PI16: variants seen among roughly 807,000 people sequenced by gnomAD.
PI16 encodes the protein PSP94-binding protein.
In PI16, 35 loss-of-function variants were observed where a neutral mutation model predicts 38.0. The ratio of observed to expected loss-of-function variants is 0.92; its 90% CI spans 0.70 to 1.22. The LOEUF is 1.22. Among genes scored for constraint, PI16 ranks in the 50% most tolerant of loss-of-function variants. PI16 has a pLI of 0.00. For missense variants in PI16, 572 were observed against 593.8 expected (o/e 0.96, Z 0.38); for synonymous variants, 275 against 252.9 (o/e 1.09, Z -0.83).
At chr6:36,960,324 GAT>G (rs1491553064) in intron 2 of PI16, among the ~76,000 whole-genome samples, 7 of 73,074 alleles carry the variant, frequency 9.6e-5, no homozygotes, top group African/African-American at 3.6e-4. Context: ...TTGCAGATAA[GAT>G]GTGTGTGTGT....
chr6:36,961,535 T>TTA lies in PI16; in HGVS notation c.479_480dup (p.Leu161TyrfsTer12). 6.2e-7 allele frequency: 1 copy of TTA among 1,614,136 alleles called. No individual in the cohort carries two copies. ...GGGTGTTGAGGAGACCAACATCGAA[T>TTA]TACTGGTGTGCAACTATGAGCCTCC... On this transcript the variant is annotated frameshift_variant, in exon 3 of 7. Coordinates refer to ENST00000373674, the MANE Select transcript of PI16 (RefSeq NM_153370.3). LOFTEE classifies it high-confidence loss of function.
upstream of PI16, chr6:36,954,627 C>T: frequency 7.1e-7 from 1 of 1,416,828 alleles, no homozygotes; most frequent in Non-Finnish European, 9.4e-7. Context: ...CTCCCTGAGA[C>T]ATTGTGTGAG....
upstream of PI16, chr6:36,954,529 AGCCCCC>A: frequency 1.8e-6 from 1 of 546,132 alleles, no homozygotes; most frequent in Non-Finnish European, 3.1e-6. Context: ...TTTTGGCCTG[AGCCCCC>A]GTTACCAAGA....
intron 3 of PI16, 148 bp from the exon 4 acceptor site, chr6:36,961,738 C>T: frequency 1.1e-6 from 1 of 889,262 alleles, no homozygotes; most frequent in Non-Finnish European, 1.8e-6. Flanking sequence ...CAGAGAGGGC[C>T]AGGAGGAGCC....
At chr6:36,956,721 T>C (rs1763217901) in intron 1 of PI16, among the ~76,000 whole-genome samples, 2 of 152,218 alleles carry the variant, frequency 1.3e-5, no homozygotes, top group South Asian at 4.1e-4. Flanking sequence ...GTGGGATAAT[T>C]CCCTTGTAGC....
At chr6:36,961,248 A>G (rs989095317) in intron 2 of PI16, among the ~76,000 whole-genome samples, 2 of 152,162 alleles carry the variant, frequency 1.3e-5, no homozygotes, top group African/African-American at 4.8e-5. Flanking sequence ...TTGGCAGAGG[A>G]GAGTAGACTG....
intron 1 of PI16, among the ~76,000 whole-genome samples, chr6:36,948,673 C>CCCCCTCCT (rs1763052635): frequency 2.4e-4 from 2 of 8,174 alleles, no homozygotes; most frequent in Non-Finnish European, 4.7e-4. Flanking sequence ...TCCTTCCTCC[C>CCCCCTCCT]TCCCTCCTTC....
intron 1 of PI16, among the ~76,000 whole-genome samples, chr6:36,949,167 C>T (rs369375396): frequency 7.2e-5 from 11 of 151,856 alleles, no homozygotes; most frequent in South Asian, 2.1e-4. Context: ...CTTGCTCTGT[C>T]GCCCAGGCTG....
chr6:36,951,854 G>A (rs910189109), upstream of PI16, among the ~76,000 whole-genome samples: 1 of 152,038 alleles, frequency 6.6e-6, no homozygotes, highest in African/African-American at 2.4e-5. Flanking sequence ...AGCCAAGATT[G>A]CGCGAGTGCA....
At chr6:36,959,446 C>T (rs1276545470) in intron 2 of PI16, 80 bp downstream of exon 2, 23 of 1,356,142 alleles carry the variant, frequency 1.7e-5, no homozygotes, top group East Asian at 2.5e-5. Context: ...GGGGCCACCT[C>T]TGCCTTCACC....
intron 1 of PI16, among the ~76,000 whole-genome samples, chr6:36,957,492 T>C (rs1415795730): frequency 3.9e-5 from 6 of 152,154 alleles, no homozygotes; most frequent in African/African-American, 1.4e-4. Flanking sequence ...TCAATGGAAA[T>C]TTGGGCTTCT....
chr6:36,953,057 C>A (rs1018011667), upstream of PI16, among the ~76,000 whole-genome samples: 1 of 152,174 alleles, frequency 6.6e-6, no homozygotes, highest in African/African-American at 2.4e-5. Context: ...CAGTGGCTCA[C>A]ACCTGTAATC....
upstream of PI16, among the ~76,000 whole-genome samples, chr6:36,949,911 T>A (rs915196651): frequency 2.0e-5 from 3 of 152,062 alleles, no homozygotes; most frequent in Admixed American, 1.3e-4. Flanking sequence ...TTTTTTCTCA[T>A]GGTGGCTCAA....
chr6:36,955,259 A>G (rs140258558), intron 1 of PI16, among the ~76,000 whole-genome samples: 11 of 152,296 alleles, frequency 7.2e-5, no homozygotes, highest in South Asian at 4.1e-4. Flanking sequence ...TCCCACTCCA[A>G]TGAGCTTTCC....
chr6:36,948,562 T>G (rs957362603), intron 1 of PI16, among the ~76,000 whole-genome samples: 67 of 151,980 alleles, frequency 4.4e-4, no homozygotes, highest in African/African-American at 1.5e-3. Context: ...CCTTCCAAAG[T>G]GCTGGGATTA....
exon 1 of PI16, chr6:36,948,369 T>A (rs1435894610): frequency 6.6e-6 from 1 of 152,290 alleles, no homozygotes; most frequent in African/African-American, 2.4e-5. Context: ...GAGAACTGTG[T>A]CCTTCCATTC....
Position 36,962,301 on chromosome 6 carries a change from G to T in PI16, c.592+327G>T, listed in dbSNP as rs879307958. Among the ~76,000 whole-genome samples, 1 of 152,144 alleles carries T rather than the reference G, an allele frequency of 6.6e-6. No individual in the cohort carries two copies. Among genetic ancestry groups the T allele is most frequent in the Non-Finnish European group, 1.5e-5 (1 of 68,018 alleles). The stretch of plus-strand genomic sequence containing the variant: ...GGGGCCAGACCGGTGGGCGTGGTCA[G>T]AAGGCTTCAAACGGGCGAGGCCAGT... On this transcript the variant is annotated intron_variant, in intron 4 of 6. Coordinates refer to ENST00000373674, the MANE Select transcript of PI16 (RefSeq NM_153370.3). The surrounding 1 kb of genome is among the most constrained non-coding windows in gnomAD (Gnocchi z 4.1).
upstream of PI16, among the ~76,000 whole-genome samples, chr6:36,953,994 G>C (rs1468536723): frequency 1.3e-5 from 2 of 152,208 alleles, no homozygotes; most frequent in Non-Finnish European, 2.9e-5. Context: ...ATAGTGAAAG[G>C]CCTTATTCCT....
At chr6:36,950,438 C>T (rs1197013733), upstream of PI16, among the ~76,000 whole-genome samples, 1 of 152,144 alleles carries the variant, frequency 6.6e-6, no homozygotes, top group African/African-American at 2.4e-5. The surrounding 1 kb of genome is among the most constrained non-coding windows in gnomAD (Gnocchi z 4.2). Context: ...GTGTATACTA[C>T]ACTATTAGTT....
Sources: allele counts gnomAD v4.1 joint callset (sites outside exome capture counted in the v4.1 genomes callset), GRCh38; gene constraint gnomAD v4.1.1; non-coding constraint Gnocchi (gnomAD v3.1); transcripts MANE v1.5; gene names NCBI Gene and HGNC (gene_info 2026-07-23, HGNC 2026-07-21).